ETFA: variants seen among roughly 807,000 people sequenced by gnomAD.
ETFA encodes the protein electron transfer flavoprotein subunit alpha, mitochondrial.
ETFA carries 22 observed loss-of-function variants against 46.2 expected under a neutral mutation model. The observed-to-expected ratio is 0.48, with a 90% confidence interval of 0.34 to 0.68. The LOEUF is 0.68. ETFA is among the 30% of genes least tolerant of loss of function. ETFA has a pLI of 0.01. For synonymous variants in ETFA, 131 were observed against 139.9 expected, an observed-to-expected ratio of 0.94 and a Z score of 0.45; for missense variants, 345 against 401.1, an observed-to-expected ratio of 0.86 and a Z score of 1.19.
rs892949518 is a variant in ETFA at position 76,227,593 on chromosome 15, G to C, written c.883-1664C>G. ...GATAGTTTATCAGTACAAATAGTTT[G>C]GTATTCCCCACAGATGCTTCTAACA... On this transcript the variant is annotated intron_variant, in intron 10 of 11. Coordinates refer to ENST00000557943, the MANE Select transcript of ETFA (RefSeq NM_000126.4). 3 of 314,378 alleles carry C rather than the reference G, an allele frequency of 9.5e-6. No individual in the cohort carries two copies. The Admixed American group carries it at 1.3e-4, about 14-fold the overall frequency. 19.5% of individuals were successfully genotyped at this position (314,378 alleles called of 1,614,324 possible). A position where few individuals can be genotyped will look rare whatever the true frequency, so the allele number is the denominator to read the frequency against.
At chr15:76,287,725 C>G in intron 5 of ETFA, 121 bp downstream of exon 5, 3 of 767,188 alleles carry the variant, frequency 3.9e-6, no homozygotes, top group Non-Finnish European at 6.6e-6. Context: ...TCCTCAGAAA[C>G]CTTTAAGATG....
intron 1 of ETFA, among the ~76,000 whole-genome samples, chr15:76,311,006 G>T (rs1341025412): frequency 6.6e-6 from 1 of 152,234 alleles, no homozygotes; most frequent in Non-Finnish European, 1.5e-5. Flanking sequence ...CTCGGGTGTG[G>T]AGCAAGTGTG....
At position 76,272,813 on chromosome 15, in the gene ETFA, C is replaced by CATATATATATAT. The variant is rs71143306; in HGVS notation, c.816+1587_816+1598dup. Among the ~76,000 whole-genome samples the CATATATATATAT allele has an allele frequency of 7.4e-3, 1,020 of 137,542 alleles. 19 individuals are homozygous for CATATATATATAT. Among genetic ancestry groups the CATATATATATAT allele is most frequent in the African/African-American group, 9.8e-3 (342 of 34,896 alleles). 90.2% of individuals were successfully genotyped at this position (137,542 alleles called of 152,430 possible). On this transcript the variant is annotated intron_variant, in intron 9 of 11. Coordinates refer to ENST00000557943, the MANE Select transcript of ETFA (RefSeq NM_000126.4). Reference sequence around the variant, plus strand: ...AAGACCCTGTCTCTTAAAATATATACATATATATATATATATATGCGCATG... The same window carrying CATATATATATAT: ...AAGACCCTGTCTCTTAAAATATATACATATATATATATATATATATATATATATATGCGCATG...
At chr15:76,309,405 C>G (rs1001652041) in intron 1 of ETFA, among the ~76,000 whole-genome samples, 6 of 151,972 alleles carry the variant, frequency 3.9e-5, no homozygotes, top group South Asian at 2.1e-4. Context: ...GAGCTGAGAT[C>G]GCGCCACTGC....
At chr15:76,305,882 G>A (rs1280645196) in intron 1 of ETFA, among the ~76,000 whole-genome samples, 1 of 147,144 alleles carries the variant, frequency 6.8e-6, no homozygotes, top group African/African-American at 2.5e-5. Context: ...TTTTCTTGTG[G>A]GGGTGGGTAT....
At chr15:76,249,639 C>T (rs191393289) in intron 9 of ETFA, among the ~76,000 whole-genome samples, 125 of 151,844 alleles carry the variant, frequency 8.2e-4, no homozygotes, top group Middle Eastern at 3.4e-3. Flanking sequence ...GACGGGGTTT[C>T]ACTGTGTTAG....
intron 9 of ETFA, among the ~76,000 whole-genome samples, chr15:76,253,784 C>T (rs1383492958): frequency 6.6e-6 from 1 of 152,226 alleles, no homozygotes; most frequent in East Asian, 1.9e-4. Flanking sequence ...AAACCTAATG[C>T]ATTATTAAGT....
intron 9 of ETFA, among the ~76,000 whole-genome samples, chr15:76,235,878 G>A (rs2039117521): frequency 6.6e-6 from 1 of 152,140 alleles, no homozygotes; most frequent in Non-Finnish European, 1.5e-5. Context: ...ATCTGTTCCT[G>A]CTCCCTTAAG....
intron 2 of ETFA, among the ~76,000 whole-genome samples, chr15:76,293,018 T>G (rs1280137768): frequency 6.6e-6 from 1 of 152,054 alleles, no homozygotes; most frequent in Non-Finnish European, 1.5e-5. Flanking sequence ...GCACCTGTAA[T>G]CCCAGCTACT....
At chr15:76,250,886 A>C (rs2039292160) in intron 9 of ETFA, among the ~76,000 whole-genome samples, 1 of 152,088 alleles carries the variant, frequency 6.6e-6, no homozygotes, top group Non-Finnish European at 1.5e-5. Flanking sequence ...TATTAAAGGA[A>C]GAGTACACAA....
At chr15:76,295,787 T>G (rs1159223413) in intron 1 of ETFA, 50 bp from the exon 2 acceptor site, 20 of 327,560 alleles carry the variant, frequency 6.1e-5, no homozygotes, top group East Asian at 1.4e-4. Context: ...TGTCACAGGG[T>G]TTTTTTTTTT....
intron 10 of ETFA, among the ~76,000 whole-genome samples, chr15:76,226,892 TAAATA>T (rs368038444): frequency 4.9e-4 from 74 of 152,002 alleles, no homozygotes; most frequent in African/African-American, 1.8e-3. Flanking sequence ...AATAAATAAA[TAAATA>T]AAATAAAATA....
intron 2 of ETFA, among the ~76,000 whole-genome samples, chr15:76,294,429 A>G (rs2039798392): frequency 6.6e-6 from 1 of 152,190 alleles, no homozygotes; most frequent in Admixed American, 6.5e-5. Context: ...GGGTAAAGAA[A>G]TCCACATAAC....
chr15:76,231,073 T>C lies in ETFA; in HGVS notation c.882+260A>G, dbSNP rs1357657874. The C allele has an allele frequency of 2.1e-5, 9 of 432,776 alleles. No homozygotes were observed. The Admixed American group carries it at 3.4e-4, about 16-fold the overall frequency. The allele number at this position is 432,776 out of a possible 1,614,324, so 26.8% of individuals were successfully genotyped here. A position where few individuals can be genotyped will look rare whatever the true frequency, so the allele number is the denominator to read the frequency against. Reference sequence around the variant, plus strand: ...TATTTAGTAGACAAAGAAACTGAGTTTGCAGACAGCACTCATCATGCATTA... The same window carrying C: ...TATTTAGTAGACAAAGAAACTGAGTCTGCAGACAGCACTCATCATGCATTA... On this transcript the variant is annotated intron_variant, in intron 10 of 11. Transcript: ENST00000557943.
chr15:76,297,908 A>G (rs1316226629), intron 1 of ETFA, among the ~76,000 whole-genome samples: 1 of 152,234 alleles, frequency 6.6e-6, no homozygotes. Context: ...TACAGCCTCT[A>G]GGCATGGTTA....
At chr15:76,298,166 C>A (rs551493154) in intron 1 of ETFA, among the ~76,000 whole-genome samples, 2 of 152,132 alleles carry the variant, frequency 1.3e-5, no homozygotes, top group Non-Finnish European at 2.9e-5. Context: ...CCTCAGCCTG[C>A]CAGGTAGCTG....
At chr15:76,262,632 G>A in intron 9 of ETFA, among the ~76,000 whole-genome samples, 1 of 151,768 alleles carries the variant, frequency 6.6e-6, no homozygotes, top group African/African-American at 2.4e-5. Flanking sequence ...ACAGGCGCCT[G>A]CCACCATGCC....
intron 9 of ETFA, among the ~76,000 whole-genome samples, chr15:76,271,677 T>C (rs1327675218): frequency 6.6e-6 from 1 of 152,186 alleles, no homozygotes; most frequent in Non-Finnish European, 1.5e-5. Flanking sequence ...TATCCTAATT[T>C]AAAAAGTTGT....
chr15:76,261,220 A>C, intron 9 of ETFA: 1 of 1,560,086 alleles, frequency 6.4e-7, no homozygotes, highest in Non-Finnish European at 8.8e-7. Flanking sequence ...AGGGGGACCC[A>C]CAGCCTTGCA....
Sources: allele counts gnomAD v4.1 joint callset (sites outside exome capture counted in the v4.1 genomes callset), GRCh38; gene constraint gnomAD v4.1.1; transcripts MANE v1.5; gene names NCBI Gene and HGNC (gene_info 2026-07-23, HGNC 2026-07-21).